LRRC72: variants seen among roughly 807,000 people sequenced by gnomAD.
LRRC72 encodes leucine-rich repeat-containing protein 72.
In LRRC72, 41 loss-of-function variants were observed where a neutral mutation model predicts 35.8. The ratio of observed to expected loss-of-function variants is 1.15; its 90% CI spans 0.89 to 1.49. LRRC72 has a LOEUF of 1.49. Ranked by LOEUF, LRRC72 falls within the 40% of genes most tolerant of loss-of-function variation. The probability of loss-of-function intolerance (pLI) is 0.00; values close to 1 mark genes in which losing one functional copy is unlikely to be tolerated. For missense variants in LRRC72, 389 were observed against 330.7 expected (o/e 1.18, Z -1.37); for synonymous variants, 118 against 119.2 (o/e 0.99, Z 0.07).
At chr7:16,562,171 G>A (rs1360043098) in intron 5 of LRRC72, among the ~76,000 whole-genome samples, 3 of 152,088 alleles carry the variant, frequency 2.0e-5, no homozygotes, top group African/African-American at 7.2e-5. Context: ...CTGTCTTCAG[G>A]CAGAGTCAGG....
intron 3 of LRRC72, among the ~76,000 whole-genome samples, chr7:16,542,602 C>A (rs1782376421): frequency 6.6e-6 from 1 of 152,144 alleles, no homozygotes; most frequent in South Asian, 2.1e-4. Context: ...AGATAAAAGA[C>A]AAATGGCTGC....
At chr7:16,548,575 C>A (rs1246151074) in intron 3 of LRRC72, among the ~76,000 whole-genome samples, 1 of 152,246 alleles carries the variant, frequency 6.6e-6, no homozygotes, top group Non-Finnish European at 1.5e-5. Context: ...CAGCCACAGC[C>A]TCACAGGAAG....
chr7:16,557,927 C>G (rs993942407), intron 4 of LRRC72, among the ~76,000 whole-genome samples: 2 of 152,112 alleles, frequency 1.3e-5, no homozygotes, highest in African/African-American at 4.8e-5. Flanking sequence ...GTACAAAACA[C>G]TTTTCTTTAA....
rs1163826638 is a variant in LRRC72, at chr7:16,532,512, AAAG to A, written c.110_112del (p.Lys37del). 3 of 1,549,910 alleles carry A rather than the reference AAAG, an allele frequency of 1.9e-6. No individual in the cohort carries two copies. Among genetic ancestry groups the A allele is most frequent in the Non-Finnish European group, 2.6e-6 (3 of 1,146,294 alleles). On this transcript the variant is annotated inframe_deletion, in exon 2 of 9. Transcript: ENST00000401542. ...GTTATCAGGCAGTTGAAGATCAGCT[AAAG>A]ATATGTGGCCACAGGAGGGATGCTG...
intron 3 of LRRC72, among the ~76,000 whole-genome samples, chr7:16,549,562 G>A (rs1392669634): frequency 6.6e-6 from 1 of 152,126 alleles, no homozygotes; most frequent in Non-Finnish European, 1.5e-5. Context: ...GCTATGGAAA[G>A]CAATATTTTT....
intron 5 of LRRC72, among the ~76,000 whole-genome samples, chr7:16,565,397 G>A (rs545204427): frequency 4.7e-5 from 7 of 148,550 alleles, no homozygotes; most frequent in East Asian, 2.0e-4. Context: ...ATGCCATTGC[G>A]CTCCAGCCTG....
chr7:16,568,623 T>C (rs1354919008), intron 7 of LRRC72, among the ~76,000 whole-genome samples: 2 of 152,138 alleles, frequency 1.3e-5, no homozygotes, highest in East Asian at 3.9e-4. Flanking sequence ...GATAAATAAA[T>C]TCTTAGACTG....
At chr7:16,570,484 A>T (rs905633882) in intron 7 of LRRC72, among the ~76,000 whole-genome samples, 6 of 152,120 alleles carry the variant, frequency 3.9e-5, no homozygotes, top group Non-Finnish European at 2.9e-5. Context: ...CCATAATGTC[A>T]CTCTCACACC....
chr7:16,546,185 T>C lies in LRRC72; in HGVS notation c.234+8489T>C, dbSNP rs78686340. On this transcript the variant is annotated intron_variant, in intron 3 of 8. Coordinates refer to ENST00000401542, the MANE Select transcript of LRRC72 (RefSeq NM_001195280.2). ...ATGTTCTATGTAAATTTAGTAAATA[T>C]TGGGATTTCAGTACTAAACATACAA... Among the ~76,000 whole-genome samples the C allele has an allele frequency of 1.4e-3, 217 of 152,336 alleles. 1 individual carries two copies. The highest frequency in any genetic ancestry group is 5.0e-3 in the African/African-American group (209 of 41,580).
chr7:16,538,331 C>T (rs181735233), intron 3 of LRRC72, among the ~76,000 whole-genome samples: 4 of 152,242 alleles, frequency 2.6e-5, no homozygotes, highest in Admixed American at 6.5e-5. Context: ...TTGCTTTGTA[C>T]CCTATAGTAC....
At chr7:16,537,794 C>T in intron 3 of LRRC72, 98 bp downstream of exon 3, 2 of 729,326 alleles carry the variant, frequency 2.7e-6, no homozygotes, top group Non-Finnish European at 2.1e-6. Context: ...AAAATTTTTG[C>T]TTAAAATTTA....
chr7:16,536,678 T>C (rs1273368828), intron 2 of LRRC72, among the ~76,000 whole-genome samples: 10 of 152,154 alleles, frequency 6.6e-5, no homozygotes, highest in Non-Finnish European at 1.3e-4. Context: ...TTAGAAATGG[T>C]TGCATGCTTT....
chr7:16,542,492 C>T (rs1047434941), intron 3 of LRRC72, among the ~76,000 whole-genome samples: 32 of 152,156 alleles, frequency 2.1e-4, no homozygotes, highest in African/African-American at 7.0e-4. Flanking sequence ...AACATGGGCC[C>T]AAGGTGGTCC....
chr7:16,544,013 T>C (rs1782403729), intron 3 of LRRC72, among the ~76,000 whole-genome samples: 1 of 152,226 alleles, frequency 6.6e-6, no homozygotes, highest in South Asian at 2.1e-4. Flanking sequence ...ATCCTGTACT[T>C]GCATTAGGCT....
At chr7:16,550,083 G>C in intron 3 of LRRC72, among the ~76,000 whole-genome samples, 1 of 152,196 alleles carries the variant, frequency 6.6e-6, no homozygotes, top group Non-Finnish European at 1.5e-5. Flanking sequence ...GTCATGTATG[G>C]TGGTGTGTGC....
chr7:16,540,894 G>T (rs1782345602), intron 3 of LRRC72, among the ~76,000 whole-genome samples: 2 of 152,114 alleles, frequency 1.3e-5, no homozygotes. Flanking sequence ...CCCAGTCTTG[G>T]GTAGTTCTTT....
intron 3 of LRRC72, among the ~76,000 whole-genome samples, chr7:16,542,623 GCTCCTGATAAGC>G (rs748583366): frequency 3.3e-5 from 5 of 152,194 alleles, no homozygotes; most frequent in African/African-American, 4.8e-5. Flanking sequence ...ATTCTTTTGA[GCTCCTGATAAGC>G]CTTTCCAAAG....
chr7:16,559,551 A>G (rs1181061321), intron 5 of LRRC72, among the ~76,000 whole-genome samples: 1 of 152,224 alleles, frequency 6.6e-6, no homozygotes, highest in African/African-American at 2.4e-5. Context: ...GAGGATTTAC[A>G]TGTTTAAATT....
chr7:16,547,386 C>G (rs1782466382), intron 3 of LRRC72, among the ~76,000 whole-genome samples: 1 of 152,058 alleles, frequency 6.6e-6, no homozygotes, highest in Admixed American at 6.5e-5. Flanking sequence ...CAGGAGCTCC[C>G]CAGGCACAAC....
Sources: allele counts gnomAD v4.1 joint callset (sites outside exome capture counted in the v4.1 genomes callset), GRCh38; gene constraint gnomAD v4.1.1; transcripts MANE v1.5; gene names NCBI Gene and HGNC (gene_info 2026-07-23, HGNC 2026-07-21).